RAD18: variants seen among roughly 807,000 people sequenced by gnomAD.
RAD18 encodes RAD18 E3 ubiquitin protein ligase.
In RAD18, 47 loss-of-function variants were observed where a neutral mutation model predicts 60.4. That is an observed-to-expected ratio of 0.78 (90% CI 0.62 to 0.99). The LOEUF is 0.99. RAD18 is among the 50% of genes least tolerant of loss of function. The pLI is 0.00. For synonymous variants in RAD18, 225 were observed against 195.5 expected (o/e 1.15, Z -1.26); for missense variants, 640 against 593.3 (o/e 1.08, Z -0.82).
rs1939458339 is a variant in RAD18, at chr3:8,881,353, C to T, written c.*4G>A. The T allele has an allele frequency of 1.3e-6, 2 of 1,589,258 alleles. No individual in the cohort carries two copies. The highest frequency in any genetic ancestry group is 1.7e-6 in the Non-Finnish European group (2 of 1,159,378). The stretch of plus-strand genomic sequence containing the variant: ...TGCATTTGAAAAGTCAGCAAAAGCC[C>T]ACATTAATTCCTATTACGCTTGTTT... On this transcript the variant is annotated 3_prime_UTR_variant, in exon 13 of 13. Coordinates refer to ENST00000264926, the MANE Select transcript of RAD18 (RefSeq NM_020165.4).
chr3:8,928,049 T>TA (rs58756851), intron 7 of RAD18, among the ~76,000 whole-genome samples: 10,193 of 121,678 alleles, frequency 0.084, 1,230 homozygotes, highest in African/African-American at 0.26. Flanking sequence ...CCCTAAAACT[T>TA]AAAAAAAAAA....
intron 7 of RAD18, among the ~76,000 whole-genome samples, chr3:8,914,633 T>G (rs1031970724): frequency 6.6e-6 from 1 of 152,208 alleles, no homozygotes; most frequent in Admixed American, 6.5e-5. Flanking sequence ...TTCTGAGCAC[T>G]GAGAGGTACC....
At chr3:8,891,883 G>A (rs184666438) in intron 11 of RAD18, among the ~76,000 whole-genome samples, 242 of 152,290 alleles carry the variant, frequency 1.6e-3, no homozygotes, top group African/African-American at 5.6e-3. Context: ...CCTTTTTCAA[G>A]TAATGTGCTT....
intron 9 of RAD18, among the ~76,000 whole-genome samples, chr3:8,905,635 G>A (rs553695008): frequency 5.7e-4 from 87 of 152,280 alleles, no homozygotes; most frequent in African/African-American, 2.0e-3. Context: ...TAACAGTTAT[G>A]GCTAATGTTC....
Position 8,881,228 on chromosome 3 carries a change from A to G in RAD18, c.*129T>C, listed in dbSNP as rs1183536273. 3 of 760,344 alleles carry G rather than the reference A, an allele frequency of 3.9e-6. No individual in the cohort carries two copies. Among genetic ancestry groups the G allele is most frequent in the Non-Finnish European group, 6.3e-6 (3 of 477,344 alleles). 47.1% of individuals were successfully genotyped at this position (760,344 alleles called of 1,614,324 possible). On this transcript the variant is annotated 3_prime_UTR_variant, in exon 13 of 13. Transcript: ENST00000264926. ...CCTCTGGAAAAGCAGAAAAGAATGA[A>G]TATCAGCTAACCGTAATATTTAGAA... is the stretch of plus-strand genomic sequence containing the variant.
chr3:8,915,187 A>G (rs1940178561), intron 7 of RAD18, among the ~76,000 whole-genome samples: 1 of 150,902 alleles, frequency 6.6e-6, no homozygotes, highest in African/African-American at 2.4e-5. Flanking sequence ...AGGATTGGGT[A>G]GAATTTAGTG....
At chr3:8,951,657 T>C (rs909295573) in intron 2 of RAD18, among the ~76,000 whole-genome samples, 1 of 152,260 alleles carries the variant, frequency 6.6e-6, no homozygotes, top group Non-Finnish European at 1.5e-5. Context: ...CAATTATAGA[T>C]GCTTATTATG....
At chr3:8,936,373 G>T (rs1940653615) in intron 6 of RAD18, among the ~76,000 whole-genome samples, 1 of 152,136 alleles carries the variant, frequency 6.6e-6, no homozygotes, top group Admixed American at 6.5e-5. Flanking sequence ...ATGCTGTGAG[G>T]ACTTCACTTA....
intron 4 of RAD18, chr3:8,947,002 C>T: frequency 2.3e-6 from 1 of 437,812 alleles, no homozygotes; most frequent in Non-Finnish European, 4.0e-6. Flanking sequence ...TGCGTTTTAA[C>T]TCTTAATTAT....
chr3:8,890,470 C>T lies in RAD18; in HGVS notation c.1323-19G>A, dbSNP rs1267918598. ...ACTGGAACTAAAAGGATATGTACAT[C>T]AGTATTGACAGACAACAAGAAGACT... On this transcript the variant is annotated intron_variant, in intron 11 of 12. Coordinates refer to ENST00000264926, the MANE Select transcript of RAD18 (RefSeq NM_020165.4). The T allele has an allele frequency of 6.6e-7, 1 of 1,511,708 alleles. No individual in the cohort carries two copies. 93.6% of individuals were successfully genotyped at this position (1,511,708 alleles called of 1,614,324 possible).
chr3:8,900,683 T>A (rs1404049112), intron 10 of RAD18, among the ~76,000 whole-genome samples: 1 of 152,172 alleles, frequency 6.6e-6, no homozygotes, highest in African/African-American at 2.4e-5. Flanking sequence ...ATGCAACTTG[T>A]TCACTTACAT....
intron 2 of RAD18, among the ~76,000 whole-genome samples, chr3:8,951,752 G>A (rs577206056): frequency 6.6e-6 from 1 of 152,320 alleles, no homozygotes; most frequent in Admixed American, 6.5e-5. Context: ...CTACAGGAAA[G>A]CATTTCTTAG....
chr3:8,935,941 CTGT>C lies in RAD18; in HGVS notation c.816_818del (p.Gln273del), dbSNP rs1940643229. The stretch of plus-strand genomic sequence containing the variant: ...CAAATTCTTGGTGCCTTTTAATGAG[CTGT>C]TGTTTATTTCCTTGAATAGATAATC... On this transcript the variant is annotated inframe_deletion, in exon 7 of 13. Transcript: ENST00000264926. 3.7e-6 allele frequency: 6 copies of C among 1,611,894 alleles called. No individual in the cohort carries two copies. In the South Asian group the frequency reaches 4.4e-5, roughly 12 times the overall value.
At chr3:8,950,648 C>T (rs1419734623) in intron 2 of RAD18, among the ~76,000 whole-genome samples, 1 of 152,136 alleles carries the variant, frequency 6.6e-6, no homozygotes, top group African/African-American at 2.4e-5. Context: ...AAAAAAACCA[C>T]AAGGAAAAAC....
At chr3:8,939,524 T>A (rs1265874917) in intron 6 of RAD18, 30 bp downstream of exon 6, 1 of 1,564,252 alleles carries the variant, frequency 6.4e-7, no homozygotes, top group African/African-American at 1.4e-5. Context: ...CCAGCTAAAG[T>A]AGCTCAATGG....
chr3:8,963,284 G>A (rs1248938199), intron 1 of RAD18, 51 bp downstream of exon 1: 3 of 1,543,958 alleles, frequency 1.9e-6, no homozygotes, highest in African/African-American at 1.4e-5. Context: ...CAAAGGGAGG[G>A]ACCTCCCCCC....
intron 1 of RAD18, among the ~76,000 whole-genome samples, chr3:8,961,121 G>T (rs957031030): frequency 4.6e-5 from 7 of 152,182 alleles, no homozygotes; most frequent in African/African-American, 1.7e-4. Flanking sequence ...TCTGGTGGAG[G>T]AATGATTCTG....
intron 7 of RAD18, among the ~76,000 whole-genome samples, chr3:8,919,150 G>C (rs1055617056): frequency 1.3e-5 from 2 of 152,164 alleles, no homozygotes; most frequent in African/African-American, 4.8e-5. Flanking sequence ...ATTAAATAAA[G>C]TAGACCAAAA....
chr3:8,902,276 AAAG>A (rs1227909330), intron 10 of RAD18, 101 bp downstream of exon 10: 3 of 1,100,598 alleles, frequency 2.7e-6, no homozygotes, highest in Non-Finnish European at 3.6e-6. Context: ...TTCTCATTTC[AAAG>A]AACTAAGAAC....
Sources: gnomAD v4.1 joint callset for allele counts (sites outside exome capture counted in the v4.1 genomes callset) on GRCh38, gnomAD v4.1.1 for gene constraint, MANE v1.5 for transcripts, NCBI Gene and HGNC (gene_info 2026-07-23, HGNC 2026-07-21) for gene names.